The following BIN3 variants were observed in gnomAD, a reference collection of about 807,000 sequenced individuals.
BIN3 encodes the protein bridging integrator 3.
A neutral mutation model predicts 38.2 loss-of-function variants in BIN3; 41 were observed. The observed-to-expected ratio is 1.07, with a 90% CI of 0.84 to 1.39. BIN3 has a LOEUF of 1.39. Ranked by LOEUF, BIN3 falls within the 40% of genes most tolerant of loss-of-function variation. The pLI, the probability that BIN3 is intolerant of heterozygous loss-of-function variation, is 0.00. For missense variants in BIN3, 361 were observed against 324.3 expected, an observed-to-expected ratio of 1.11 and a Z score of -0.87; for synonymous variants, 145 against 122.6, an observed-to-expected ratio of 1.18 and a Z score of -1.21.
chr8:22,657,238 T>A (rs1047157019), intron 1 of BIN3, among the ~76,000 whole-genome samples: 1 of 152,196 alleles, frequency 6.6e-6, no homozygotes, highest in Non-Finnish European at 1.5e-5. Context: ...GCCTGTAAAA[T>A]AACATGCTCT....
At chr8:22,657,721 G>A (rs1179655709) in intron 1 of BIN3, among the ~76,000 whole-genome samples, 2 of 152,256 alleles carry the variant, frequency 1.3e-5, no homozygotes, top group African/African-American at 4.8e-5. Flanking sequence ...AAGGAAGGGA[G>A]AGTGAGAGGA....
intron 2 of BIN3, among the ~76,000 whole-genome samples, chr8:22,640,077 G>A (rs1056968654): frequency 1.7e-4 from 26 of 151,944 alleles, no homozygotes; most frequent in African/African-American, 6.3e-4. Flanking sequence ...GGTCAGGCTG[G>A]CCTCGAACTC....
chr8:22,654,318 T>C (rs937638674), intron 1 of BIN3, among the ~76,000 whole-genome samples: 2 of 152,246 alleles, frequency 1.3e-5, no homozygotes, highest in African/African-American at 4.8e-5. Flanking sequence ...CAATCTGTCA[T>C]CTTTACTCAG....
At chr8:22,641,511 G>C (rs1290018231) in intron 2 of BIN3, among the ~76,000 whole-genome samples, 2 of 152,228 alleles carry the variant, frequency 1.3e-5, no homozygotes, top group East Asian at 3.8e-4. Context: ...TCCCAGGGCT[G>C]AGGTGCATCT....
At chr8:22,629,375 G>A (rs567997952) in intron 6 of BIN3, among the ~76,000 whole-genome samples, 1 of 152,312 alleles carries the variant, frequency 6.6e-6, no homozygotes, top group Admixed American at 6.5e-5. Flanking sequence ...CCCGCCCTGG[G>A]GACCGAGGGA....
At chr8:22,642,936 C>T (rs930332618) in intron 2 of BIN3, among the ~76,000 whole-genome samples, 2 of 152,298 alleles carry the variant, frequency 1.3e-5, no homozygotes, top group South Asian at 2.1e-4. Context: ...TGCATCTGCC[C>T]GCACTGCGAG....
chr8:22,624,095 C>T (rs755103923), intron 7 of BIN3, 46 bp from the exon 8 acceptor site: 38 of 1,598,498 alleles, frequency 2.4e-5, no homozygotes, highest in Non-Finnish European at 3.2e-5. Flanking sequence ...CTGCTGGGTG[C>T]CGGATACGGG....
chr8:22,645,558 A>AAGGAG (rs959592236), intron 1 of BIN3, among the ~76,000 whole-genome samples: 1 of 151,294 alleles, frequency 6.6e-6, no homozygotes, highest in Admixed American at 6.6e-5. Flanking sequence ...AAGGAAAGGA[A>AAGGAG]AGGGGAAGAG....
At chr8:22,643,810 C>T (rs1159958210) in intron 2 of BIN3, among the ~76,000 whole-genome samples, 2 of 152,232 alleles carry the variant, frequency 1.3e-5, no homozygotes, top group Admixed American at 1.3e-4. Context: ...AGACGAGGGC[C>T]TCTGCCGCCA....
intron 1 of BIN3, among the ~76,000 whole-genome samples, chr8:22,657,642 C>T (rs866770110): frequency 4.3e-4 from 66 of 152,288 alleles, no homozygotes; most frequent in African/African-American, 1.5e-3. Context: ...GGGCAGATGC[C>T]CTGATGTAAA....
At chr8:22,630,398 G>A (rs1337677590) in intron 5 of BIN3, 44 bp downstream of exon 5, 9 of 1,609,000 alleles carry the variant, frequency 5.6e-6, no homozygotes, top group African/African-American at 1.3e-5. Flanking sequence ...GGCCCAGACC[G>A]GGCAGAAGTC....
At chr8:22,632,766 T>G (rs915359291) in intron 4 of BIN3, among the ~76,000 whole-genome samples, 1 of 145,886 alleles carries the variant, frequency 6.9e-6, no homozygotes, top group South Asian at 2.3e-4. Flanking sequence ...TGGAGTGCAA[T>G]GGCATCATCT....
intron 1 of BIN3, among the ~76,000 whole-genome samples, chr8:22,652,193 T>G (rs1802922843): frequency 6.6e-6 from 1 of 152,188 alleles, no homozygotes; most frequent in Admixed American, 6.5e-5. Flanking sequence ...TTCTTTTTGT[T>G]TAGTCTTTAT....
intron 4 of BIN3, among the ~76,000 whole-genome samples, chr8:22,634,788 G>C (rs765736356): frequency 1.3e-5 from 2 of 152,150 alleles, no homozygotes; most frequent in Admixed American, 6.5e-5. Context: ...GTTTGGTGGC[G>C]GGCACGGGGG....
chr8:22,637,613 CG>C (rs1802414101), intron 2 of BIN3, among the ~76,000 whole-genome samples: 1 of 152,174 alleles, frequency 6.6e-6, no homozygotes, highest in Admixed American at 6.5e-5. Context: ...GTCCTGAACC[CG>C]GGGCTGCACT....
At chr8:22,635,763 T>C (rs1388534604) in intron 4 of BIN3, among the ~76,000 whole-genome samples, 1 of 152,200 alleles carries the variant, frequency 6.6e-6, no homozygotes, top group Admixed American at 6.5e-5. Context: ...TTTGGTCAAG[T>C]GCTTGCTGCT....
At chr8:22,638,973 A>T (rs1332147075) in intron 2 of BIN3, among the ~76,000 whole-genome samples, 1 of 152,264 alleles carries the variant, frequency 6.6e-6, no homozygotes, top group Non-Finnish European at 1.5e-5. Context: ...ATGAGCATTT[A>T]AAGTGTTGCC....
At chr8:22,646,914 T>C (rs1170685219) in intron 1 of BIN3, among the ~76,000 whole-genome samples, 3 of 147,714 alleles carry the variant, frequency 2.0e-5, no homozygotes, top group Non-Finnish European at 4.4e-5. Flanking sequence ...CAAGGACCAC[T>C]CTGGAGACAT....
intron 1 of BIN3, among the ~76,000 whole-genome samples, chr8:22,666,034 T>C (rs1289830837): frequency 6.6e-6 from 1 of 152,124 alleles, no homozygotes; most frequent in Non-Finnish European, 1.5e-5. Flanking sequence ...CGCAGCACTC[T>C]AACTCCTACT....
Sources: gnomAD v4.1 joint callset for allele counts (sites outside exome capture counted in the v4.1 genomes callset) on GRCh38, gnomAD v4.1.1 for gene constraint, MANE v1.5 for transcripts, NCBI Gene and HGNC (gene_info 2026-07-23, HGNC 2026-07-21) for gene names.